The following MRPS11 variants were observed in gnomAD, a reference collection of about 807,000 sequenced individuals.
The protein encoded by MRPS11 is mitochondrial ribosomal protein S11.
In MRPS11, 27 loss-of-function variants were observed where a neutral mutation model predicts 24.3. The ratio of observed to expected loss-of-function variants is 1.11; its 90% CI spans 0.82 to 1.53. The LOEUF (loss-of-function observed/expected upper bound fraction) is 1.53, where lower values mean the gene tolerates loss of function less well. Among genes scored for constraint, MRPS11 ranks in the 40% most tolerant of loss-of-function variants. The probability of loss-of-function intolerance (pLI) is 0.00; values close to 1 mark genes in which losing one functional copy is unlikely to be tolerated. For synonymous variants in MRPS11, 104 were observed against 98.7 expected, an observed-to-expected ratio of 1.05 and a Z score of -0.32; for missense variants, 277 against 256.5, an observed-to-expected ratio of 1.08 and a Z score of -0.55.
intron 2 of MRPS11, among the ~76,000 whole-genome samples, chr15:88,471,365 C>G (rs980424945): frequency 6.6e-6 from 1 of 152,054 alleles, no homozygotes; most frequent in African/African-American, 2.4e-5. Context: ...AGGGCTGGGG[C>G]GAGAGTAGTC....
intron 3 of MRPS11, among the ~76,000 whole-genome samples, chr15:88,474,481 C>T (rs1219662175): frequency 1.3e-5 from 2 of 151,354 alleles, no homozygotes; most frequent in African/African-American, 4.9e-5. Flanking sequence ...ATCACTTGAA[C>T]CCGGGAGGCG....
At position 88,476,992 on chromosome 15, in the gene MRPS11, G is replaced by C; in HGVS notation, c.415G>C (p.Ala139Pro). 1.2e-6 allele frequency: 2 copies of C among 1,613,862 alleles called. No homozygotes were observed. The highest frequency in any genetic ancestry group is 1.3e-5 in the African/African-American group (1 of 75,056). ...TAACCACTCTGCTTCTCTCCAGAGA[G>C]CTAAACAAAAGGGCGTGATCCACAT... ...QTAGIAAAARAKQKGVIHIRV... is the reference protein window; with the variant it reads ...QTAGIAAAARPKQKGVIHIRV... The change falls in exon 5 of 6, where the codon GCT becomes CCT. Residue 139 changes from alanine (A) to proline (P), a missense_variant. By Grantham distance (27) the Ala-to-Pro change is conservative. Coordinates refer to ENST00000325844, the MANE Select transcript of MRPS11 (RefSeq NM_022839.5).
In MRPS11 at chr15:88,472,521, G is replaced by A. The variant is rs921558304; in HGVS notation, c.183-106G>A. ...AGGAATGGTGGGGGCAGCCACTTAAGAAGCAGCAGGGGGCACAGAGCTGTT... is the reference window on the plus strand; with the variant it reads ...AGGAATGGTGGGGGCAGCCACTTAAAAAGCAGCAGGGGGCACAGAGCTGTT... On this transcript the variant is annotated intron_variant, in intron 2 of 5. Coordinates refer to ENST00000325844, the MANE Select transcript of MRPS11 (RefSeq NM_022839.5). The A allele has an allele frequency of 1.1e-5, 10 of 882,404 alleles. No homozygotes were observed. The African/African-American group carries it at 1.5e-4, about 13-fold the overall frequency. The allele number at this position is 882,404 out of a possible 1,614,324, so 54.7% of individuals were successfully genotyped here.
At position 88,479,908 on chromosome 15, in the gene MRPS11, C is replaced by T. The variant is rs1483927879; in HGVS notation, c.*1929C>T. 1 of 152,228 alleles carries T rather than the reference C, an allele frequency of 6.6e-6. No homozygotes were observed. The allele number at this position is 152,228 out of a possible 1,614,324, so 9.4% of individuals were successfully genotyped here. A position where few individuals can be genotyped will look rare whatever the true frequency, so the allele number is the denominator to read the frequency against. The stretch of plus-strand genomic sequence containing the variant: ...AGGTGGACTACAAAGCAGCTGCCAC[C>T]CTAGGCTAGAAGAGGCAGGGAAGAA... On this transcript the variant is annotated 3_prime_UTR_variant, in exon 6 of 6. Coordinates refer to ENST00000325844, the MANE Select transcript of MRPS11 (RefSeq NM_022839.5).
intron 2 of MRPS11, 72 bp downstream of exon 2, chr15:88,468,096 G>C: frequency 6.6e-7 from 1 of 1,522,900 alleles, no homozygotes; most frequent in Non-Finnish European, 8.9e-7. Context: ...TCCAGAGTCA[G>C]AACCAGTGAA....
Position 88,472,654 on chromosome 15 carries a change from G to A in MRPS11, c.210G>A (p.Glu70=). ...TTTACCCTCCCATTCCAGGAGAGGA[G>A]AGCTCTCTGAGGTGGGCAGGAAAGA... ...FSIYPPIPGE[E]SSLRWAGKKF... is the part of the protein sequence containing the mutation. Residue 70 remains glutamate (E), a synonymous_variant, in exon 3 of 6, where the codon GAG becomes GAA. Coordinates refer to ENST00000325844, the MANE Select transcript of MRPS11 (RefSeq NM_022839.5). 6.2e-7 allele frequency: 1 copy of A among 1,613,990 alleles called. No individual in the cohort carries two copies. Among genetic ancestry groups the A allele is most frequent in the Admixed American group, 1.7e-5 (1 of 60,030 alleles).
intron 3 of MRPS11, among the ~76,000 whole-genome samples, chr15:88,473,817 A>T (rs2055765411): frequency 6.6e-6 from 1 of 152,212 alleles, no homozygotes; most frequent in African/African-American, 2.4e-5. Context: ...ATGATGACTA[A>T]AGGGGAAATC....
intron 3 of MRPS11, among the ~76,000 whole-genome samples, chr15:88,473,358 C>T (rs2055755726): frequency 6.6e-6 from 1 of 152,094 alleles, no homozygotes; most frequent in South Asian, 2.1e-4. Flanking sequence ...CAGGTTGGCC[C>T]CCACTTGGAA....
rs563893882 is a variant in MRPS11 at position 88,480,206 on chromosome 15, A to G, written c.*2227A>G. 6.6e-6 allele frequency: 1 copy of G among 152,342 alleles called. No homozygotes were observed. The highest frequency in any genetic ancestry group is 1.9e-4 in the East Asian group (1 of 5,180). 9.4% of individuals were successfully genotyped at this position (152,342 alleles called of 1,614,324 possible). ...CTTCTGTGGCTTCTGTAAGTCCTCC[A>G]TACACCATAGGTTTTTATTTTGGTT... On this transcript the variant is annotated 3_prime_UTR_variant, in exon 6 of 6. Transcript: ENST00000325844. This position sits in a 1 kb window ranked among gnomAD's most constrained non-coding sequence, Gnocchi z 5.1.
intron 2 of MRPS11, among the ~76,000 whole-genome samples, chr15:88,470,921 T>C (rs1176359162): frequency 6.6e-6 from 1 of 152,194 alleles, no homozygotes; most frequent in Non-Finnish European, 1.5e-5. Flanking sequence ...AACATAACAA[T>C]ATGTTTTGCC....
At chr15:88,476,450 C>T (rs1031936743) in intron 4 of MRPS11, among the ~76,000 whole-genome samples, 6 of 152,168 alleles carry the variant, frequency 3.9e-5, no homozygotes, top group African/African-American at 1.4e-4. Context: ...AATCAAAATG[C>T]TGTAAATGCC....
In MRPS11 at chr15:88,477,816, A is replaced by C. The variant is rs2055853311; in HGVS notation, c.478-56A>C. On this transcript the variant is annotated intron_variant, in intron 5 of 5. Transcript: ENST00000325844. The surrounding 1 kb of genome is among the most constrained non-coding windows in gnomAD (Gnocchi z 5.7). ...CCCTCTCCGAACCCTGCCTGGAGAC[A>C]CTGGATCATCATTTCTGGGACCATG... The C allele has an allele frequency of 6.6e-7, 1 of 1,517,086 alleles. No homozygotes were observed. The highest frequency in any genetic ancestry group is 1.4e-5 in the African/African-American group (1 of 72,758). 94.0% of individuals were successfully genotyped at this position (1,517,086 alleles called of 1,614,324 possible).
chr15:88,477,277 C>A lies in MRPS11; in HGVS notation c.477+223C>A, dbSNP rs532182874. Among the ~76,000 whole-genome samples, 3 of 152,354 alleles carry A rather than the reference C, an allele frequency of 2.0e-5. No individual in the cohort carries two copies. In the South Asian group the frequency reaches 6.2e-4, roughly 32 times the overall value. ...CTGAGTGCCTGCTGCGTGCCACGCACTGGGAATGGGAAGGTGGTTCCTGGG... is the reference window on the plus strand; with the variant it reads ...CTGAGTGCCTGCTGCGTGCCACGCAATGGGAATGGGAAGGTGGTTCCTGGG... On this transcript the variant is annotated intron_variant, in intron 5 of 5. Transcript: ENST00000325844. This position sits in a 1 kb window ranked among gnomAD's most constrained non-coding sequence, Gnocchi z 5.7.
In MRPS11 at chr15:88,479,550, C is replaced by T. The variant is rs1409230879; in HGVS notation, c.*1571C>T. The T allele has an allele frequency of 6.6e-6, 1 of 152,204 alleles. No homozygotes were observed. Among genetic ancestry groups the T allele is most frequent in the Non-Finnish European group, 1.5e-5 (1 of 68,046 alleles). 9.4% of individuals were successfully genotyped at this position (152,204 alleles called of 1,614,324 possible). ...AGACATGAATTTAGAGGAAAAATGC[C>T]TCCCTACTGCCTTCTCTTTAGTCCT... On this transcript the variant is annotated 3_prime_UTR_variant, in exon 6 of 6. Transcript: ENST00000325844.
chr15:88,471,128 C>T (rs1056061898), intron 2 of MRPS11, among the ~76,000 whole-genome samples: 3 of 152,104 alleles, frequency 2.0e-5, no homozygotes, highest in African/African-American at 4.8e-5. Flanking sequence ...GGAGGTCATC[C>T]GCTCAGCAAT....
Position 88,472,753 on chromosome 15 carries a change from G to A in MRPS11, c.281+28G>A, listed in dbSNP as rs181615728. The A allele has an allele frequency of 9.2e-5, 144 of 1,564,550 alleles. No homozygotes were observed. The Admixed American group carries it at 1.3e-3, about 14-fold the overall frequency. On this transcript the variant is annotated intron_variant, in intron 3 of 5. Coordinates refer to ENST00000325844, the MANE Select transcript of MRPS11 (RefSeq NM_022839.5). Reference sequence around the variant, plus strand: ...AAGTGGGAAGGGAAACACTGGGCAGGTCTAGCGTGAGATTCTTTCCACTTC... The same window carrying A: ...AAGTGGGAAGGGAAACACTGGGCAGATCTAGCGTGAGATTCTTTCCACTTC...
At position 88,480,734 on chromosome 15, in the gene MRPS11, T is replaced by C. The variant is rs770669695; in HGVS notation, c.*2755T>C. The C allele has an allele frequency of 2.0e-5, 3 of 152,118 alleles. No individual in the cohort carries two copies. Among genetic ancestry groups the C allele is most frequent in the Non-Finnish European group, 4.4e-5 (3 of 68,036 alleles). 9.4% of individuals were successfully genotyped at this position (152,118 alleles called of 1,614,324 possible). A position where few individuals can be genotyped will look rare whatever the true frequency, so the allele number is the denominator to read the frequency against. On this transcript the variant is annotated 3_prime_UTR_variant, in exon 6 of 6. Transcript: ENST00000325844. This position sits in a 1 kb window ranked among gnomAD's most constrained non-coding sequence, Gnocchi z 5.1. ...CGTGAGCTCTCGGTGCACAGTGTGG[T>C]TTCCAGGCTCTGAGTGGCCAATAAA... is the stretch of plus-strand genomic sequence containing the variant.
rs1410438340 is a variant in MRPS11, at chr15:88,478,878, A to G, written c.*899A>G. 1 of 151,822 alleles carries G rather than the reference A, an allele frequency of 6.6e-6. No individual in the cohort carries two copies. The highest frequency in any genetic ancestry group is 1.5e-5 in the Non-Finnish European group (1 of 67,996). The allele number at this position is 151,822 out of a possible 1,614,324, so 9.4% of individuals were successfully genotyped here. On this transcript the variant is annotated 3_prime_UTR_variant, in exon 6 of 6. Coordinates refer to ENST00000325844, the MANE Select transcript of MRPS11 (RefSeq NM_022839.5). The surrounding 1 kb of genome is among the most constrained non-coding windows in gnomAD (Gnocchi z 4.7). ...GTGGTGTGCGCCTGTAATCCCAGCT[A>G]CTCTGGAGGCTGAGGCATGAAAATC... is the stretch of plus-strand genomic sequence containing the variant.
chr15:88,475,815 G>A lies in MRPS11; in HGVS notation c.411+576G>A, dbSNP rs532648823. On this transcript the variant is annotated intron_variant, in intron 4 of 5. Transcript: ENST00000325844. The surrounding 1 kb of genome is among the most constrained non-coding windows in gnomAD (Gnocchi z 4.1). ...CTACTAAAAATAGAAAAATTAGCTG[G>A]GCGTGGTGGTGCGCGCCTGTAGTCC... Among the ~76,000 whole-genome samples, 67 of 152,208 alleles carry A rather than the reference G, an allele frequency of 4.4e-4. 1 individual carries two copies. Among genetic ancestry groups the A allele is most frequent in the African/African-American group, 1.4e-3 (60 of 41,528 alleles).
Sources: allele counts gnomAD v4.1 joint callset (sites outside exome capture counted in the v4.1 genomes callset), GRCh38; gene constraint gnomAD v4.1.1; non-coding constraint Gnocchi (gnomAD v3.1); transcripts MANE v1.5; gene names NCBI Gene and HGNC (gene_info 2026-07-23, HGNC 2026-07-21).